The following TNFAIP8L3 variants were observed in gnomAD, a reference collection of about 807,000 sequenced individuals.
The protein encoded by TNFAIP8L3 is TNF alpha induced protein 8 like 3, also known as tumor necrosis factor alpha-induced protein 8-like protein 3.
A neutral mutation model predicts 11.8 loss-of-function variants in TNFAIP8L3; 7 were observed. That is an observed-to-expected ratio of 0.59 (90% confidence interval 0.34 to 1.11). The LOEUF is 1.11. Among genes scored for constraint, TNFAIP8L3 ranks in the 50% most tolerant of loss-of-function variants. The probability of loss-of-function intolerance (pLI) is 0.03; values close to 1 mark genes in which losing one functional copy is unlikely to be tolerated. For missense variants in TNFAIP8L3, 219 were observed against 258.6 expected, an observed-to-expected ratio of 0.85 and a Z score of 1.05; for synonymous variants, 98 against 103.8, an observed-to-expected ratio of 0.94 and a Z score of 0.34.
chr15:51,068,895 T>C (rs2065289886), intron 1 of TNFAIP8L3, among the ~76,000 whole-genome samples: 1 of 152,138 alleles, frequency 6.6e-6, no homozygotes, highest in Admixed American at 6.5e-5. Flanking sequence ...CTCGAACTCC[T>C]GACCTCATGA....
At chr15:51,104,259 C>T (rs1284739001) in intron 1 of TNFAIP8L3, among the ~76,000 whole-genome samples, 2 of 152,178 alleles carry the variant, frequency 1.3e-5, no homozygotes, top group Non-Finnish European at 1.5e-5. Flanking sequence ...CCAGCTCTTT[C>T]CTGTGTCTTG....
At chr15:51,065,409 T>C (rs1389033916) in intron 1 of TNFAIP8L3, among the ~76,000 whole-genome samples, 3 of 152,308 alleles carry the variant, frequency 2.0e-5, no homozygotes, top group East Asian at 1.9e-4. Context: ...AGAGTACAAG[T>C]GATGTTTCCA....
At chr15:51,101,391 A>G (rs1374624774) in intron 1 of TNFAIP8L3, among the ~76,000 whole-genome samples, 1 of 151,824 alleles carries the variant, frequency 6.6e-6, no homozygotes, top group Non-Finnish European at 1.5e-5. Context: ...GGAGGCCAAG[A>G]CAGGCGGATC....
chr15:51,076,172 A>G (rs1595611827), intron 1 of TNFAIP8L3, among the ~76,000 whole-genome samples: 1 of 152,230 alleles, frequency 6.6e-6, no homozygotes, highest in East Asian at 1.9e-4. Context: ...CGGATTTAAG[A>G]CAAGTCAAGC....
At chr15:51,087,042 C>T (rs1337526107) in intron 1 of TNFAIP8L3, among the ~76,000 whole-genome samples, 1 of 152,156 alleles carries the variant, frequency 6.6e-6, no homozygotes, top group African/African-American at 2.4e-5. Context: ...GCATGCACCA[C>T]CATGCCCAGC....
chr15:51,099,255 C>T (rs1436611869), upstream of TNFAIP8L3, among the ~76,000 whole-genome samples: 2 of 152,164 alleles, frequency 1.3e-5, no homozygotes, highest in Non-Finnish European at 2.9e-5. Flanking sequence ...GTCCTCTGCA[C>T]AGCCCCATCC....
At chr15:51,093,713 T>C (rs1281244213) in intron 1 of TNFAIP8L3, among the ~76,000 whole-genome samples, 1 of 151,994 alleles carries the variant, frequency 6.6e-6, no homozygotes. Flanking sequence ...CCTAGGTGCG[T>C]AGACCCGTGG....
intron 1 of TNFAIP8L3, among the ~76,000 whole-genome samples, chr15:51,084,130 C>T (rs2065410792): frequency 6.6e-6 from 1 of 152,126 alleles, no homozygotes; most frequent in African/African-American, 2.4e-5. Flanking sequence ...ACGTGTGTGA[C>T]TGTGAGGGGA....
At chr15:51,080,995 T>C (rs2065387630) in intron 1 of TNFAIP8L3, among the ~76,000 whole-genome samples, 1 of 152,270 alleles carries the variant, frequency 6.6e-6, no homozygotes, top group African/African-American at 2.4e-5. Flanking sequence ...AAGTTCAGTG[T>C]TGCTATTTAG....
intron 1 of TNFAIP8L3, among the ~76,000 whole-genome samples, chr15:51,103,040 C>T (rs578177385): frequency 1.9e-4 from 29 of 152,260 alleles, no homozygotes; most frequent in Admixed American, 5.2e-4. Context: ...CCTTTCCCTT[C>T]CCTTTTCTTC....
intron 1 of TNFAIP8L3, among the ~76,000 whole-genome samples, chr15:51,059,079 G>C (rs541126078): frequency 4.3e-4 from 66 of 152,318 alleles, no homozygotes; most frequent in African/African-American, 1.5e-3. Flanking sequence ...AGTTGTCAGA[G>C]ATTTGGGAGA....
Position 51,058,052 on chromosome 15 carries a change from C to A in TNFAIP8L3, c.444G>T (p.Leu148=). Residue 148 remains leucine (L), a synonymous_variant, in exon 2 of 2, where the codon CTG becomes CTT. Transcript: ENST00000637513. The part of the protein sequence containing the change: ...LHECKDLVHE[L]VQRHLTPRTH... ...TCCTGGGCGTCAGGTGCCGCTGCAC[C>A]AGTTCATGCACCAGGTCCTTGCACT... 2 of 1,614,110 alleles carry A rather than the reference C, an allele frequency of 1.2e-6. No individual in the cohort carries two copies. The highest frequency in any genetic ancestry group is 2.2e-5 in the East Asian group (1 of 44,880).
At chr15:51,102,461 C>T (rs767087846) in intron 1 of TNFAIP8L3, among the ~76,000 whole-genome samples, 5 of 152,074 alleles carry the variant, frequency 3.3e-5, no homozygotes, top group Non-Finnish European at 7.4e-5. Context: ...CCTTTTGTTC[C>T]TCCCTTCAAA....
intron 1 of TNFAIP8L3, among the ~76,000 whole-genome samples, chr15:51,102,942 C>G (rs1051736223): frequency 6.6e-6 from 1 of 152,130 alleles, no homozygotes; most frequent in Non-Finnish European, 1.5e-5. Context: ...AGGACTTGAC[C>G]AATGCCTCTT....
At chr15:51,065,353 T>G (rs554272147) in intron 1 of TNFAIP8L3, among the ~76,000 whole-genome samples, 2 of 152,292 alleles carry the variant, frequency 1.3e-5, no homozygotes, top group African/African-American at 4.8e-5. Flanking sequence ...CATGGAAAAG[T>G]GCTGGGGTCA....
chr15:51,083,424 G>A (rs1268062742), intron 1 of TNFAIP8L3, among the ~76,000 whole-genome samples: 1 of 152,164 alleles, frequency 6.6e-6, no homozygotes, highest in Non-Finnish European at 1.5e-5. Context: ...ATTAGTATAG[G>A]TAAATGAAAA....
rs551938906 is a variant in TNFAIP8L3, at chr15:51,094,464, G to C, written c.52+80C>G. On this transcript the variant is annotated intron_variant, in intron 1 of 1. Transcript: ENST00000637513. The surrounding 1 kb of genome is among the most constrained non-coding windows in gnomAD (Gnocchi z 4.4). The stretch of plus-strand genomic sequence containing the variant: ...GGAAGGGGTCGGGCTGCTGAGGATC[G>C]GCTTCCCGATTTCATGCCCCAGCCT... 2 of 1,352,034 alleles carry C rather than the reference G, an allele frequency of 1.5e-6. No individual in the cohort carries two copies. The highest frequency in any genetic ancestry group is 6.3e-5 in the Admixed American group (2 of 31,686). 83.8% of individuals were successfully genotyped at this position (1,352,034 alleles called of 1,614,324 possible).
At chr15:51,078,296 C>T (rs2065368894) in intron 1 of TNFAIP8L3, among the ~76,000 whole-genome samples, 1 of 134,178 alleles carries the variant, frequency 7.5e-6, no homozygotes, top group Non-Finnish European at 1.6e-5. Context: ...CAAATATAAG[C>T]GGGGGCGGGG....
chr15:51,077,729 C>A (rs950033923), intron 1 of TNFAIP8L3, among the ~76,000 whole-genome samples: 2 of 152,218 alleles, frequency 1.3e-5, no homozygotes, highest in African/African-American at 4.8e-5. Context: ...GACAGCTTCT[C>A]GCTTAATAAT....
Sources: allele counts gnomAD v4.1 joint callset (sites outside exome capture counted in the v4.1 genomes callset), GRCh38; gene constraint gnomAD v4.1.1; non-coding constraint Gnocchi (gnomAD v3.1); transcripts MANE v1.5; gene names NCBI Gene and HGNC (gene_info 2026-07-23, HGNC 2026-07-21).